Variants in GABRG3 observed in about 807,000 individuals in gnomAD.
GABRG3 encodes the protein gamma-aminobutyric acid type A receptor subunit gamma3.
GABRG3 carries 25 observed loss-of-function variants against 48.8 expected under a neutral mutation model. The ratio of observed to expected loss-of-function variants is 0.51; its 90% CI spans 0.37 to 0.72. The LOEUF is 0.72. GABRG3 is among the 30% of genes least tolerant of loss of function. The probability of loss-of-function intolerance (pLI) is 0.00; values close to 1 mark genes in which losing one functional copy is unlikely to be tolerated. For missense variants in GABRG3, 394 were observed against 577.9 expected (o/e 0.68, Z 3.26); for synonymous variants, 227 against 217.6 (o/e 1.04, Z -0.38).
intron 3 of GABRG3, among the ~76,000 whole-genome samples, chr15:27,266,283 C>CT (rs34916456): frequency 0.58 from 87,907 of 150,738 alleles, 26,219 homozygotes; most frequent in Non-Finnish European, 0.65. Context: ...GATTGGAATT[C>CT]TTTTTTTTTC....
At chr15:26,985,427 C>T (rs1443879103) in intron 2 of GABRG3, among the ~76,000 whole-genome samples, 1 of 152,194 alleles carries the variant, frequency 6.6e-6, no homozygotes, top group African/African-American at 2.4e-5. Flanking sequence ...AGTTTTGTTG[C>T]AGATACTAGG....
At chr15:27,244,846 G>A (rs954128192) in intron 3 of GABRG3, among the ~76,000 whole-genome samples, 2 of 152,046 alleles carry the variant, frequency 1.3e-5, no homozygotes, top group South Asian at 4.2e-4. Flanking sequence ...TTCTTTTAAA[G>A]GAGGGTTATT....
intron 5 of GABRG3, among the ~76,000 whole-genome samples, chr15:27,401,459 AT>A: frequency 6.6e-6 from 1 of 152,354 alleles, no homozygotes; most frequent in South Asian, 2.1e-4. Flanking sequence ...CCAAAACAAT[AT>A]TTGAAAATGT....
chr15:27,187,602 C>A (rs1888138858), intron 3 of GABRG3, among the ~76,000 whole-genome samples: 1 of 151,980 alleles, frequency 6.6e-6, no homozygotes, highest in South Asian at 2.1e-4. Flanking sequence ...TTTTGTTGTT[C>A]TCCTTGTAGA....
chr15:27,252,874 A>G (rs1345864330), intron 3 of GABRG3, among the ~76,000 whole-genome samples: 1 of 152,238 alleles, frequency 6.6e-6, no homozygotes, highest in Non-Finnish European at 1.5e-5. Context: ...ACTGTAATCC[A>G]TTTGTTAGTC....
chr15:26,993,545 T>G (rs1939164320), intron 2 of GABRG3, among the ~76,000 whole-genome samples: 1 of 152,094 alleles, frequency 6.6e-6, no homozygotes. Flanking sequence ...TAGTTTTATT[T>G]CATTGCAGTT....
intron 6 of GABRG3, among the ~76,000 whole-genome samples, chr15:27,517,072 A>G (rs1891036231): frequency 6.6e-6 from 1 of 151,632 alleles, no homozygotes; most frequent in South Asian, 2.1e-4. Flanking sequence ...ATCACTGACA[A>G]CATCGTGCCC....
chr15:27,248,831 G>GAA (rs1555412456), intron 3 of GABRG3, among the ~76,000 whole-genome samples: 8,018 of 128,454 alleles, frequency 0.062, 469 homozygotes, highest in African/African-American at 0.15. Flanking sequence ...GAGAGAGAGA[G>GAA]AGAGACAGAG....
intron 3 of GABRG3, among the ~76,000 whole-genome samples, chr15:27,238,405 C>T (rs1234710736): frequency 2.0e-5 from 3 of 152,192 alleles, no homozygotes; most frequent in African/African-American, 4.8e-5. Context: ...CGCGCGGGGG[C>T]GCAGTGCGTC....
At chr15:27,329,368 G>A (rs1197136746) in intron 5 of GABRG3, among the ~76,000 whole-genome samples, 1 of 152,120 alleles carries the variant, frequency 6.6e-6, no homozygotes, top group African/African-American at 2.4e-5. Flanking sequence ...GGATTCAAGT[G>A]ATTCTCCTGC....
At chr15:27,491,991 C>G (rs577271428) in intron 6 of GABRG3, among the ~76,000 whole-genome samples, 2 of 152,166 alleles carry the variant, frequency 1.3e-5, no homozygotes, top group South Asian at 4.1e-4. Flanking sequence ...TTTATCAAAG[C>G]CTTGTTATCA....
intron 3 of GABRG3, among the ~76,000 whole-genome samples, chr15:27,292,207 T>C (rs1364609622): frequency 1.3e-5 from 2 of 151,648 alleles, no homozygotes; most frequent in Non-Finnish European, 2.9e-5. Flanking sequence ...TTTGGATTGG[T>C]TTCAAGTCTT....
chr15:27,123,774 C>T (rs539738097), intron 3 of GABRG3, among the ~76,000 whole-genome samples: 12 of 152,186 alleles, frequency 7.9e-5, no homozygotes, highest in African/African-American at 2.6e-4. Flanking sequence ...AATACACACA[C>T]GAGGATGATA....
At chr15:27,122,774 A>G (rs907616516) in intron 3 of GABRG3, among the ~76,000 whole-genome samples, 1 of 152,194 alleles carries the variant, frequency 6.6e-6, no homozygotes, top group Admixed American at 6.5e-5. Context: ...CATGCTCCAC[A>G]AAGTAGAGAA....
chr15:27,047,533 T>G (rs1896384869), intron 3 of GABRG3, among the ~76,000 whole-genome samples: 1 of 152,230 alleles, frequency 6.6e-6, no homozygotes, highest in Admixed American at 6.5e-5. Flanking sequence ...CAGCTAAAAG[T>G]CAAGGGCTGT....
chr15:27,393,404 T>A (rs570064865), intron 5 of GABRG3, among the ~76,000 whole-genome samples: 10 of 150,730 alleles, frequency 6.6e-5, no homozygotes, highest in African/African-American at 2.4e-4. Context: ...GTGAAGAAAG[T>A]TCATTTATAC....
intron 5 of GABRG3, among the ~76,000 whole-genome samples, chr15:27,451,951 T>C (rs564411450): frequency 2.0e-5 from 3 of 152,340 alleles, no homozygotes; most frequent in African/African-American, 7.2e-5. Flanking sequence ...AGTAAAATGT[T>C]GTCATAATAT....
chr15:27,411,209 T>A, intron 5 of GABRG3, among the ~76,000 whole-genome samples: 1 of 152,126 alleles, frequency 6.6e-6, no homozygotes, highest in Non-Finnish European at 1.5e-5. Flanking sequence ...GTTAGTAGTT[T>A]TGGACAAACA....
chr15:27,134,313 C>T (rs569818452), intron 3 of GABRG3, among the ~76,000 whole-genome samples: 1 of 152,298 alleles, frequency 6.6e-6, no homozygotes, highest in Admixed American at 6.5e-5. Context: ...CAAAACAGCC[C>T]TTGTCCTAGA....
Sources: gnomAD v4.1 joint callset for allele counts (sites outside exome capture counted in the v4.1 genomes callset) on GRCh38, gnomAD v4.1.1 for gene constraint, MANE v1.5 for transcripts, NCBI Gene and HGNC (gene_info 2026-07-23, HGNC 2026-07-21) for gene names.